Variants in C10orf90 observed in about 807,000 individuals in gnomAD.
C10orf90 encodes the protein (E2-independent) E3 ubiquitin-conjugating enzyme FATS.
Under a neutral mutation model 62.5 loss-of-function variants are expected in C10orf90, and 56 were observed. That is an observed-to-expected ratio of 0.90 (90% confidence interval 0.72 to 1.12). C10orf90 has a LOEUF of 1.12. Ranked by LOEUF, C10orf90 falls within the 50% of genes most tolerant of loss-of-function variation. The probability of loss-of-function intolerance (pLI) is 0.00; values close to 1 mark genes in which losing one functional copy is unlikely to be tolerated. For synonymous variants in C10orf90, 386 were observed against 340.4 expected, an observed-to-expected ratio of 1.13 and a Z score of -1.47; for missense variants, 970 against 880.4, an observed-to-expected ratio of 1.10 and a Z score of -1.29.
At chr10:126,470,778 A>C (rs1860542975) in intron 4 of C10orf90, among the ~76,000 whole-genome samples, 2 of 152,022 alleles carry the variant, frequency 1.3e-5, no homozygotes, top group African/African-American at 2.4e-5. Context: ...GAAAGGAAGA[A>C]GAAAAAGAAA....
intron 7 of C10orf90, among the ~76,000 whole-genome samples, chr10:126,436,321 T>G (rs1484442817): frequency 1.3e-5 from 2 of 152,200 alleles, no homozygotes; most frequent in African/African-American, 2.4e-5. Flanking sequence ...TTGTTGAATT[T>G]GAAGGCAAAT....
At chr10:126,463,858 G>A (rs1860138466) in intron 5 of C10orf90, among the ~76,000 whole-genome samples, 1 of 152,174 alleles carries the variant, frequency 6.6e-6, no homozygotes, top group Non-Finnish European at 1.5e-5. Context: ...GGGATATAAA[G>A]CACAGCATCT....
intron 3 of C10orf90, among the ~76,000 whole-genome samples, chr10:126,509,943 G>A (rs963896464): frequency 6.6e-6 from 1 of 152,166 alleles, no homozygotes; most frequent in Non-Finnish European, 1.5e-5. Flanking sequence ...CTAGGAGGTG[G>A]AAATCTGAGA....
At chr10:126,655,839 C>CAAAA (rs56164675) in intron 1 of C10orf90, among the ~76,000 whole-genome samples, 3 of 139,812 alleles carry the variant, frequency 2.1e-5, no homozygotes, top group African/African-American at 5.3e-5. Flanking sequence ...CAAAACAAAA[C>CAAAA]AAAAAAAAAA....
intron 4 of C10orf90, among the ~76,000 whole-genome samples, chr10:126,482,273 T>C (rs1047378740): frequency 6.6e-6 from 1 of 152,198 alleles, no homozygotes; most frequent in Non-Finnish European, 1.5e-5. Context: ...GATCACTCCT[T>C]TTCTGCCCCT....
At chr10:126,651,340 TA>T (rs2133858713) in intron 1 of C10orf90, among the ~76,000 whole-genome samples, 2 of 152,346 alleles carry the variant, frequency 1.3e-5, no homozygotes, top group East Asian at 3.9e-4. Context: ...TTACCTGAAC[TA>T]ACCTAAGGCT....
intron 2 of C10orf90, among the ~76,000 whole-genome samples, chr10:126,636,341 C>T (rs930661024): frequency 3.3e-5 from 5 of 151,992 alleles, no homozygotes; most frequent in African/African-American, 1.2e-4. Context: ...AAGTTATCAG[C>T]GTACCACACA....
intron 7 of C10orf90, among the ~76,000 whole-genome samples, chr10:126,443,347 C>G (rs930688991): frequency 2.0e-5 from 3 of 151,974 alleles, no homozygotes; most frequent in Non-Finnish European, 4.4e-5. Context: ...ACAACTGATA[C>G]CACAGAAATA....
At chr10:126,433,506 C>A (rs1857716107) in intron 7 of C10orf90, among the ~76,000 whole-genome samples, 1 of 152,170 alleles carries the variant, frequency 6.6e-6, no homozygotes, top group East Asian at 1.9e-4. Context: ...CATAGACCTG[C>A]CTGCAGCAAG....
intron 2 of C10orf90, among the ~76,000 whole-genome samples, chr10:126,555,447 C>T (rs946433312): frequency 1.3e-5 from 2 of 151,582 alleles, no homozygotes; most frequent in Non-Finnish European, 2.9e-5. Flanking sequence ...CTGAGGCAGG[C>T]GCGATCACTT....
At chr10:126,519,643 A>G (rs542036113) in intron 2 of C10orf90, among the ~76,000 whole-genome samples, 1 of 152,370 alleles carries the variant, frequency 6.6e-6, no homozygotes, top group African/African-American at 2.4e-5. Context: ...ATTTTAAAAC[A>G]GATGTTTCTC....
chr10:126,570,328 C>A (rs1039121524), intron 2 of C10orf90, among the ~76,000 whole-genome samples: 7 of 152,214 alleles, frequency 4.6e-5, no homozygotes, highest in Admixed American at 3.3e-4. Flanking sequence ...CACTGCCTAA[C>A]TTTCTTCCTT....
chr10:126,470,099 G>A, intron 4 of C10orf90: 1 of 447,088 alleles, frequency 2.2e-6, no homozygotes, highest in Non-Finnish European at 4.5e-6. Context: ...AGGGGGGAAG[G>A]CACTCTTCTG....
At chr10:126,578,835 A>ACACATATTG (rs1177898518) in intron 2 of C10orf90, among the ~76,000 whole-genome samples, 2 of 152,200 alleles carry the variant, frequency 1.3e-5, no homozygotes, top group East Asian at 3.9e-4. Flanking sequence ...ACACAAAAAA[A>ACACATATTG]CACATATTGC....
At chr10:126,529,510 C>A (rs78055865) in intron 2 of C10orf90, among the ~76,000 whole-genome samples, 10,543 of 152,076 alleles carry the variant, frequency 0.069, 1,177 homozygotes, top group African/African-American at 0.23. Context: ...AATTTTAAAA[C>A]CCCCCGTAAA....
chr10:126,637,407 G>A (rs553509382), intron 2 of C10orf90, among the ~76,000 whole-genome samples: 2 of 152,326 alleles, frequency 1.3e-5, no homozygotes, highest in South Asian at 2.1e-4. Flanking sequence ...CCCACCAGGG[G>A]GTTATTGAGT....
chr10:126,606,598 T>A (rs1200313157), intron 2 of C10orf90, among the ~76,000 whole-genome samples: 1 of 152,044 alleles, frequency 6.6e-6, no homozygotes, highest in East Asian at 1.9e-4. Context: ...TCTGCTGGAG[T>A]CCCACCTCCG....
At chr10:126,640,113 G>A (rs1437266195) in intron 2 of C10orf90, among the ~76,000 whole-genome samples, 1 of 152,196 alleles carries the variant, frequency 6.6e-6, no homozygotes, top group Admixed American at 6.5e-5. Context: ...GAGTAAATGC[G>A]TTTTATTCTC....
At chr10:126,562,711 C>T (rs1318466229) in intron 2 of C10orf90, among the ~76,000 whole-genome samples, 1 of 152,210 alleles carries the variant, frequency 6.6e-6, no homozygotes, top group African/African-American at 2.4e-5. Flanking sequence ...CTCCTATAGC[C>T]TGCTGCTAAG....
Sources: gnomAD v4.1 joint callset for allele counts (sites outside exome capture counted in the v4.1 genomes callset) on GRCh38, gnomAD v4.1.1 for gene constraint, MANE v1.5 for transcripts, NCBI Gene and HGNC (gene_info 2026-07-23, HGNC 2026-07-21) for gene names.